ODAD4: variants seen among roughly 807,000 people sequenced by gnomAD.
ODAD4 encodes the protein outer dynein arm docking complex subunit 4, also known as outer dynein arm-docking complex subunit 4.
In ODAD4, 49 loss-of-function variants were observed where a neutral mutation model predicts 51.8. That is an observed-to-expected ratio of 0.95 (90% confidence interval 0.75 to 1.20). The LOEUF (loss-of-function observed/expected upper bound fraction) is 1.20. ODAD4 is among the 50% of genes most tolerant of loss of function. The pLI, the probability that ODAD4 is intolerant of heterozygous loss-of-function variation, is 0.00. For synonymous variants in ODAD4, 235 were observed against 221.3 expected (o/e 1.06, Z -0.55); for missense variants, 590 against 586.5 (o/e 1.01, Z -0.06).
At chr17:41,946,625 C>G (rs1171377012) in intron 8 of ODAD4, among the ~76,000 whole-genome samples, 1 of 151,262 alleles carries the variant, frequency 6.6e-6, no homozygotes, top group Non-Finnish European at 1.5e-5. Flanking sequence ...GCACCCAGCT[C>G]AATTTATCAC....
Position 41,965,655 on chromosome 17 carries a change from TGA to T in ODAD4, c.*174_*175del. On this transcript the variant is annotated 3_prime_UTR_variant, in exon 12 of 12. Transcript: ENST00000377540. ...AGGTGTCTTTCACTCTTGCAAACCCTGAGTCTGTCACTTTGCCTCTTCACCCC... is the reference window on the plus strand; with the variant it reads ...AGGTGTCTTTCACTCTTGCAAACCCTGTCTGTCACTTTGCCTCTTCACCCC... 1 of 578,598 alleles carries T rather than the reference TGA, an allele frequency of 1.7e-6. No individual in the cohort carries two copies. The highest frequency in any genetic ancestry group is 2.9e-5 in the East Asian group (1 of 34,504). 35.8% of individuals were successfully genotyped at this position (578,598 alleles called of 1,614,324 possible).
In ODAD4 at chr17:41,936,506, A is replaced by G; in HGVS notation, c.431A>G (p.Asp144Gly). The G allele has an allele frequency of 2.5e-6, 4 of 1,612,986 alleles. No individual in the cohort carries two copies. The highest frequency in any genetic ancestry group is 3.5e-4 in the Middle Eastern group (2 of 5,670). Residue 144 changes from aspartate to glycine, a missense_variant, in exon 4 of 12, where the codon GAC (aspartate) becomes GGC (glycine). Coordinates refer to ENST00000377540, the MANE Select transcript of ODAD4 (RefSeq NM_031421.5). The stretch of plus-strand genomic sequence containing the variant: ...TCCATTAAGCTGGAGAACAAAGGGG[A>G]CCTCTCCTTCTTAAGCAAGCAGGCT... ...PSSIKLENKG[D>G]LSFLSKQAEN...
chr17:41,964,070 T>A (rs1286402823), intron 11 of ODAD4, among the ~76,000 whole-genome samples: 1 of 151,656 alleles, frequency 6.6e-6, no homozygotes, highest in Non-Finnish European at 1.5e-5. Flanking sequence ...TTAATTTTTT[T>A]TTTTTTTGAG....
At chr17:41,962,500 T>C (rs1363973087) in intron 11 of ODAD4, among the ~76,000 whole-genome samples, 2 of 152,056 alleles carry the variant, frequency 1.3e-5, no homozygotes, top group East Asian at 3.9e-4. Context: ...AACAGGGGTG[T>C]TAAGCGCAGT....
chr17:41,939,196 T>G, intron 7 of ODAD4, 24 bp downstream of exon 7: 2 of 1,601,784 alleles, frequency 1.2e-6, no homozygotes, highest in African/African-American at 1.3e-5. Flanking sequence ...GGGAGGCCAC[T>G]GGCGTGAGCC....
At position 41,937,242 on chromosome 17, in the gene ODAD4, T is replaced by C. The variant is rs544567434; in HGVS notation, c.625+315T>C. On this transcript the variant is annotated intron_variant, in intron 5 of 11. Coordinates refer to ENST00000377540, the MANE Select transcript of ODAD4 (RefSeq NM_031421.5). ...TGGTCTCCTTTACCACCATAGTCCC[T>C]GAAGGGACATCCCCTTTGCCTTCAA... 2.0e-5 allele frequency among the ~76,000 whole-genome samples: 3 copies of C among 152,330 alleles called. No individual in the cohort carries two copies. In the East Asian group the frequency reaches 5.8e-4, roughly 29 times the overall value.
At position 41,945,133 on chromosome 17, in the gene ODAD4, C is replaced by T; in HGVS notation, c.1059-3C>T. The T allele has an allele frequency of 6.2e-7, 1 of 1,612,210 alleles. No individual in the cohort carries two copies. The highest frequency in any genetic ancestry group is 1.1e-5 in the South Asian group (1 of 90,476). ...AATGGCTTGTTTTGCTTCTTCCCCA[C>T]AGTGACCTTCCTGATGCAAAATCGA... On this transcript the variant is annotated splice_polypyrimidine_tract_variant and splice_region_variant and intron_variant, in intron 7 of 11. Coordinates refer to ENST00000377540, the MANE Select transcript of ODAD4 (RefSeq NM_031421.5).
chr17:41,964,394 T>TGACC (rs1268373084), intron 11 of ODAD4, among the ~76,000 whole-genome samples: 19 of 152,228 alleles, frequency 1.2e-4, no homozygotes, highest in African/African-American at 4.6e-4. Context: ...TCAGGTCCCT[T>TGACC]GACTGCAAAC....
chr17:41,945,014 C>A, intron 7 of ODAD4, 122 bp from the exon 8 acceptor site: 1 of 714,052 alleles, frequency 1.4e-6, no homozygotes, highest in Non-Finnish European at 2.4e-6. Flanking sequence ...TGGACATTGT[C>A]CCTCCAACTG....
chr17:41,958,396 C>A (rs1006901862), intron 10 of ODAD4, among the ~76,000 whole-genome samples: 7 of 152,146 alleles, frequency 4.6e-5, no homozygotes, highest in Admixed American at 4.6e-4. Context: ...TGTGGTGGCT[C>A]ATGCCTGTAA....
rs1370436199 is a variant in ODAD4, at chr17:41,949,352, A to G, written c.1342+3A>G. 10 of 398,556 alleles carry G rather than the reference A, an allele frequency of 2.5e-5. No homozygotes were observed. The highest frequency in any genetic ancestry group is 4.0e-5 in the Non-Finnish European group (9 of 226,128). The allele number at this position is 398,556 out of a possible 1,614,324, so 24.7% of individuals were successfully genotyped here. On this transcript the variant is annotated splice_donor_region_variant and intron_variant, in intron 9 of 11. Transcript: ENST00000377540. Reference sequence around the variant, plus strand: ...TGTTCTGGTGGCCCAGGCACAAGGTATGGGCTCAGAGATGACCACCCTACC... The same window carrying G: ...TGTTCTGGTGGCCCAGGCACAAGGTGTGGGCTCAGAGATGACCACCCTACC...
chr17:41,936,328 A>G (rs2050425951), intron 3 of ODAD4, 145 bp from the exon 4 acceptor site: 2 of 647,458 alleles, frequency 3.1e-6, no homozygotes, highest in East Asian at 2.8e-5. Context: ...AGCCTGCACC[A>G]TTTGCCTGCT....
intron 10 of ODAD4, among the ~76,000 whole-genome samples, chr17:41,957,718 C>T (rs973529031): frequency 6.6e-6 from 1 of 152,192 alleles, no homozygotes; most frequent in African/African-American, 2.4e-5. Context: ...GGTCAGTCCC[C>T]AGCCCCCATC....
intron 10 of ODAD4, among the ~76,000 whole-genome samples, chr17:41,956,485 C>CCT (rs1555641043): frequency 1.8e-5 from 2 of 110,944 alleles, no homozygotes; most frequent in South Asian, 6.5e-4. Context: ...CATGCCCGGC[C>CCT]TTTTTTTTTT....
At chr17:41,942,663 C>T (rs1249516135) in intron 7 of ODAD4, among the ~76,000 whole-genome samples, 3 of 151,852 alleles carry the variant, frequency 2.0e-5, no homozygotes, top group Non-Finnish European at 4.4e-5. Context: ...GCAAGGTGGG[C>T]AAGGGGGAGG....
At chr17:41,937,084 G>A (rs1598072124) in intron 5 of ODAD4, 157 bp downstream of exon 5, 1 of 898,366 alleles carries the variant, frequency 1.1e-6, no homozygotes, top group East Asian at 2.5e-5. Flanking sequence ...TGAGGAAACT[G>A]AGGCGCAGAC....
In ODAD4 at chr17:41,931,164, G is replaced by A. The variant is rs544041473; in HGVS notation, c.114+327G>A. 2.0e-4 allele frequency among the ~76,000 whole-genome samples: 30 copies of A among 152,072 alleles called. 1 individual carries two copies. The Middle Eastern group carries it at 0.01, about 52-fold the overall frequency. ...CCCGCTTCGGCCTCCCAAAGTGCTGGGATTACAGGCGTGAGCCACTGCGCC... is the reference window on the plus strand; with the variant it reads ...CCCGCTTCGGCCTCCCAAAGTGCTGAGATTACAGGCGTGAGCCACTGCGCC... On this transcript the variant is annotated intron_variant, in intron 1 of 11. Transcript: ENST00000377540.
chr17:41,940,624 A>C (rs1306754252), intron 7 of ODAD4, among the ~76,000 whole-genome samples: 2 of 152,178 alleles, frequency 1.3e-5, no homozygotes, highest in Non-Finnish European at 2.9e-5. Flanking sequence ...TCTGCCACTT[A>C]GAAGCTGTGT....
intron 1 of ODAD4, among the ~76,000 whole-genome samples, chr17:41,934,608 T>C (rs1312466481): frequency 1.3e-5 from 2 of 152,146 alleles, no homozygotes; most frequent in African/African-American, 2.4e-5. Flanking sequence ...CACCTCGACC[T>C]GCCAAAGTGC....
Sources: allele counts gnomAD v4.1 joint callset (sites outside exome capture counted in the v4.1 genomes callset), GRCh38; gene constraint gnomAD v4.1.1; transcripts MANE v1.5; gene names NCBI Gene and HGNC (gene_info 2026-07-23, HGNC 2026-07-21).